ROR1: variants seen among roughly 807,000 people sequenced by gnomAD.
ROR1 encodes inactive tyrosine-protein kinase transmembrane receptor ROR1.
A neutral mutation model predicts 78.8 loss-of-function variants in ROR1; 19 were observed. The observed-to-expected ratio is 0.24, with a 90% CI of 0.17 to 0.35. The LOEUF (loss-of-function observed/expected upper bound fraction) is 0.35. Among genes scored for constraint, ROR1 ranks in the 10% least tolerant of loss-of-function variants. The pLI is 1.00. For missense variants in ROR1, 917 were observed against 1,177.8 expected, an observed-to-expected ratio of 0.78 and a Z score of 3.24; for synonymous variants, 386 against 433.6, an observed-to-expected ratio of 0.89 and a Z score of 1.36.
At chr1:63,832,485 G>T (rs896064150) in intron 1 of ROR1, among the ~76,000 whole-genome samples, 1 of 152,168 alleles carries the variant, frequency 6.6e-6, no homozygotes, top group Non-Finnish European at 1.5e-5. Flanking sequence ...GACATGTGGG[G>T]ATTACAATTC....
chr1:63,916,833 A>G (rs928372394), intron 1 of ROR1, among the ~76,000 whole-genome samples: 1 of 152,196 alleles, frequency 6.6e-6, no homozygotes, highest in Non-Finnish European at 1.5e-5. Context: ...TACTCACTGC[A>G]TTAAGGGTAA....
At chr1:63,810,764 G>C (rs1644855958) in intron 1 of ROR1, among the ~76,000 whole-genome samples, 1 of 152,206 alleles carries the variant, frequency 6.6e-6, no homozygotes, top group Non-Finnish European at 1.5e-5. Flanking sequence ...CTGGAACACG[G>C]GTTTTGGGAG....
At chr1:64,016,320 A>G (rs1646520525) in intron 2 of ROR1, among the ~76,000 whole-genome samples, 1 of 152,214 alleles carries the variant, frequency 6.6e-6, no homozygotes, top group Admixed American at 6.5e-5. Flanking sequence ...TGTAAAACAC[A>G]CTGGATCTCA....
intron 8 of ROR1, among the ~76,000 whole-genome samples, chr1:64,166,316 G>T (rs1650088974): frequency 6.6e-6 from 1 of 152,074 alleles, no homozygotes; most frequent in South Asian, 2.1e-4. Context: ...CTCCAGCTTT[G>T]TTCTTTTTTC....
chr1:64,101,136 G>T (rs147997450), intron 4 of ROR1, among the ~76,000 whole-genome samples: 3 of 152,120 alleles, frequency 2.0e-5, no homozygotes, highest in African/African-American at 7.2e-5. Flanking sequence ...CTTCTACAAT[G>T]GTTCTAAAAA....
At chr1:64,162,762 A>G (rs1367897476) in intron 8 of ROR1, among the ~76,000 whole-genome samples, 4 of 152,214 alleles carry the variant, frequency 2.6e-5, no homozygotes, top group African/African-American at 2.4e-5. Flanking sequence ...TTGCATTACA[A>G]ATTTTACAAT....
chr1:63,801,363 C>G (rs1034012332), intron 1 of ROR1, among the ~76,000 whole-genome samples: 1 of 152,016 alleles, frequency 6.6e-6, no homozygotes, highest in African/African-American at 2.4e-5. Context: ...GGCATGATCT[C>G]GGCTTACTGC....
chr1:64,173,557 A>G (rs894316815), intron 8 of ROR1, among the ~76,000 whole-genome samples: 2 of 152,218 alleles, frequency 1.3e-5, no homozygotes, highest in South Asian at 2.1e-4. Context: ...CTGGGGCCGA[A>G]AAACAGAGAG....
At chr1:63,943,905 G>T (rs377485839) in intron 1 of ROR1, among the ~76,000 whole-genome samples, 1 of 152,004 alleles carries the variant, frequency 6.6e-6, no homozygotes, top group East Asian at 1.9e-4. Context: ...TTATTCTTTC[G>T]TCTCTGTCTT....
At chr1:64,003,032 C>T (rs910586898) in intron 1 of ROR1, among the ~76,000 whole-genome samples, 2 of 152,102 alleles carry the variant, frequency 1.3e-5, no homozygotes, top group African/African-American at 4.8e-5. Context: ...CCCTGACAAG[C>T]TGATTGGGCA....
At chr1:63,953,336 A>G (rs534756962) in intron 1 of ROR1, among the ~76,000 whole-genome samples, 1 of 152,312 alleles carries the variant, frequency 6.6e-6, no homozygotes, top group South Asian at 2.1e-4. Context: ...TGCCCACTGG[A>G]TGCCAAAAAC....
intron 4 of ROR1, among the ~76,000 whole-genome samples, chr1:64,104,110 A>G (rs1647686532): frequency 6.6e-6 from 1 of 152,258 alleles, no homozygotes; most frequent in African/African-American, 2.4e-5. Flanking sequence ...CTATATATCT[A>G]TGTTATCTTA....
chr1:64,051,712 A>T (rs958881759), intron 4 of ROR1, among the ~76,000 whole-genome samples: 4 of 151,918 alleles, frequency 2.6e-5, no homozygotes, highest in Non-Finnish European at 4.4e-5. Flanking sequence ...ATTTTTCTTT[A>T]TCTATATTTT....
At chr1:63,897,438 T>C (rs1303066235) in intron 1 of ROR1, among the ~76,000 whole-genome samples, 1 of 152,144 alleles carries the variant, frequency 6.6e-6, no homozygotes. Flanking sequence ...TCATATTCAA[T>C]AAACAGGAAA....
chr1:63,951,302 A>G (rs1184884909), intron 1 of ROR1, among the ~76,000 whole-genome samples: 1 of 152,178 alleles, frequency 6.6e-6, no homozygotes, highest in African/African-American at 2.4e-5. Context: ...GAGCATGACT[A>G]TGAGGCAGGC....
At chr1:63,898,012 C>T (rs1165561345) in intron 1 of ROR1, among the ~76,000 whole-genome samples, 1 of 152,146 alleles carries the variant, frequency 6.6e-6, no homozygotes, top group Non-Finnish European at 1.5e-5. Flanking sequence ...CCAAAAGGGC[C>T]TTTTTGGCCG....
intron 8 of ROR1, among the ~76,000 whole-genome samples, chr1:64,167,752 G>A (rs1650123975): frequency 6.6e-6 from 1 of 152,188 alleles, no homozygotes; most frequent in Non-Finnish European, 1.5e-5. Context: ...TTCAGGTGAA[G>A]GTTGCCATGG....
chr1:64,052,170 C>A (rs1569634450), intron 4 of ROR1, among the ~76,000 whole-genome samples: 1 of 146,004 alleles, frequency 6.8e-6, no homozygotes, highest in Non-Finnish European at 1.5e-5. Flanking sequence ...CCTTGCATTT[C>A]TTGATGCTAA....
chr1:63,994,365 G>A (rs562245253), intron 1 of ROR1, among the ~76,000 whole-genome samples: 139 of 152,180 alleles, frequency 9.1e-4, no homozygotes, highest in Non-Finnish European at 1.5e-3. Context: ...ATCAGACCTC[G>A]GCGGGGACCT....
Sources: allele counts gnomAD v4.1 joint callset (sites outside exome capture counted in the v4.1 genomes callset), GRCh38; gene constraint gnomAD v4.1.1; transcripts MANE v1.5; gene names NCBI Gene and HGNC (gene_info 2026-07-23, HGNC 2026-07-21).